ASIC2: variants seen among roughly 807,000 people sequenced by gnomAD.
The protein encoded by ASIC2 is acid sensing ion channel subunit 2.
ASIC2 carries 25 observed loss-of-function variants against 57.3 expected under a neutral mutation model. The observed-to-expected ratio is 0.44, with a 90% CI of 0.32 to 0.61. ASIC2 has a LOEUF of 0.61. ASIC2 is among the 20% of genes least tolerant of loss of function. ASIC2 has a pLI of 0.06. For missense variants in ASIC2, 641 were observed against 738.1 expected, an observed-to-expected ratio of 0.87 and a Z score of 1.52; for synonymous variants, 319 against 307.5, an observed-to-expected ratio of 1.04 and a Z score of -0.39.
intron 1 of ASIC2, among the ~76,000 whole-genome samples, chr17:33,177,484 A>G (rs1321600662): frequency 6.6e-6 from 1 of 152,188 alleles, no homozygotes; most frequent in African/African-American, 2.4e-5. Flanking sequence ...AACACAAGTC[A>G]CAATTGGTGG....
chr17:33,090,347 G>C (rs578089278), intron 2 of ASIC2, among the ~76,000 whole-genome samples: 2 of 152,154 alleles, frequency 1.3e-5, no homozygotes, highest in African/African-American at 4.8e-5. Flanking sequence ...CAGCAGGCTG[G>C]AGTATCCTGA....
intron 1 of ASIC2, among the ~76,000 whole-genome samples, chr17:33,690,723 C>T (rs1908335699): frequency 6.9e-6 from 1 of 144,698 alleles, no homozygotes. Flanking sequence ...GGCATGTAAT[C>T]TAGACAGTTA....
chr17:33,278,898 G>A (rs1197128907), intron 1 of ASIC2, among the ~76,000 whole-genome samples: 1 of 152,114 alleles, frequency 6.6e-6, no homozygotes, highest in African/African-American at 2.4e-5. Context: ...CCCTCAAGGA[G>A]ATGACAGCTG....
intron 1 of ASIC2, among the ~76,000 whole-genome samples, chr17:33,328,929 C>T (rs550239172): frequency 6.6e-6 from 1 of 152,290 alleles, no homozygotes; most frequent in Admixed American, 6.5e-5. Flanking sequence ...TTTCAAACAC[C>T]TTTCTCCTCT....
At chr17:33,537,863 G>T (rs1234726955) in intron 1 of ASIC2, among the ~76,000 whole-genome samples, 1 of 152,092 alleles carries the variant, frequency 6.6e-6, no homozygotes, top group African/African-American at 2.4e-5. Context: ...GTGTGTCTAG[G>T]AGGGGCAATA....
intron 1 of ASIC2, among the ~76,000 whole-genome samples, chr17:34,030,400 C>A (rs143499276): frequency 6.6e-6 from 1 of 152,218 alleles, no homozygotes; most frequent in East Asian, 1.9e-4. Flanking sequence ...TGAATAGGAA[C>A]AGCTCCGGTC....
At chr17:33,841,587 G>A (rs928604083) in intron 1 of ASIC2, among the ~76,000 whole-genome samples, 5 of 152,224 alleles carry the variant, frequency 3.3e-5, no homozygotes, top group Non-Finnish European at 5.9e-5. Flanking sequence ...TTTACACAGT[G>A]AGAAACAGGC....
intron 1 of ASIC2, among the ~76,000 whole-genome samples, chr17:33,231,482 T>C (rs1908089022): frequency 6.6e-6 from 1 of 152,076 alleles, no homozygotes; most frequent in South Asian, 2.1e-4. Context: ...TCCTAGGGTG[T>C]CTGGTTGCCC....
At chr17:33,188,093 G>T (rs1014705140) in intron 1 of ASIC2, among the ~76,000 whole-genome samples, 2 of 152,056 alleles carry the variant, frequency 1.3e-5, no homozygotes, top group African/African-American at 4.8e-5. Flanking sequence ...ATAGAGAAAA[G>T]TGTGTGTGAG....
At chr17:33,499,630 G>T (rs1159018392) in intron 1 of ASIC2, among the ~76,000 whole-genome samples, 2 of 152,202 alleles carry the variant, frequency 1.3e-5, no homozygotes, top group Non-Finnish European at 2.9e-5. Flanking sequence ...CCAGTCTGTG[G>T]TACTTTGTTA....
chr17:33,547,911 A>C (rs1052476151), intron 1 of ASIC2, among the ~76,000 whole-genome samples: 1 of 152,174 alleles, frequency 6.6e-6, no homozygotes, highest in South Asian at 2.1e-4. Flanking sequence ...GCAGTGACCA[A>C]TTCTGAGGAA....
At chr17:34,113,736 G>A (rs976395907) in intron 1 of ASIC2, among the ~76,000 whole-genome samples, 1 of 151,908 alleles carries the variant, frequency 6.6e-6, no homozygotes, top group African/African-American at 2.4e-5. Flanking sequence ...ATTGCCGGGT[G>A]CAGTGGTGTG....
At chr17:34,063,102 T>C (rs943561393) in intron 1 of ASIC2, among the ~76,000 whole-genome samples, 2 of 152,138 alleles carry the variant, frequency 1.3e-5, no homozygotes, top group African/African-American at 4.8e-5. Context: ...TTGATGAACA[T>C]AGATGCTGAA....
intron 1 of ASIC2, among the ~76,000 whole-genome samples, chr17:33,586,046 C>T (rs147273840): frequency 2.0e-3 from 304 of 152,276 alleles, no homozygotes; most frequent in African/African-American, 7.1e-3. Flanking sequence ...GAAGGGGGCA[C>T]TCAGCCACCT....
chr17:33,851,443 G>A (rs1035669656), intron 1 of ASIC2, among the ~76,000 whole-genome samples: 1 of 152,162 alleles, frequency 6.6e-6, no homozygotes, highest in African/African-American at 2.4e-5. Context: ...GTGTTCCAGA[G>A]TGAAAAGAAA....
chr17:33,379,922 G>T (rs185213372), intron 1 of ASIC2, among the ~76,000 whole-genome samples: 2 of 152,278 alleles, frequency 1.3e-5, no homozygotes, highest in Admixed American at 1.3e-4. Flanking sequence ...GTCTTGCACA[G>T]AATAGGTCCA....
At chr17:33,287,632 G>A (rs1415460745) in intron 1 of ASIC2, among the ~76,000 whole-genome samples, 1 of 152,204 alleles carries the variant, frequency 6.6e-6, no homozygotes, top group Non-Finnish European at 1.5e-5. Flanking sequence ...AAAGAGAGGA[G>A]CTGCAACTAA....
intron 1 of ASIC2, among the ~76,000 whole-genome samples, chr17:33,723,189 C>G (rs1006300098): frequency 6.6e-6 from 1 of 152,086 alleles, no homozygotes; most frequent in Admixed American, 6.5e-5. Flanking sequence ...AAATAAAATA[C>G]CTCACAGCAA....
intron 1 of ASIC2, among the ~76,000 whole-genome samples, chr17:33,923,012 C>G (rs970759736): frequency 6.6e-6 from 1 of 152,180 alleles, no homozygotes; most frequent in African/African-American, 2.4e-5. Flanking sequence ...TGCAATGTCA[C>G]TTCTATCCTA....
Sources: allele counts gnomAD v4.1 joint callset (sites outside exome capture counted in the v4.1 genomes callset), GRCh38; gene constraint gnomAD v4.1.1; transcripts MANE v1.5; gene names NCBI Gene and HGNC (gene_info 2026-07-23, HGNC 2026-07-21).